The following TPD52 variants were observed in gnomAD, a reference collection of about 807,000 sequenced individuals.
TPD52 encodes the protein prostate and colon associated protein.
Under a neutral mutation model 31.3 loss-of-function variants are expected in TPD52, and 17 were observed. The observed-to-expected ratio is 0.54, with a 90% CI of 0.37 to 0.82. TPD52 has a LOEUF of 0.82. TPD52 is among the 40% of genes least tolerant of loss of function. The pLI is 0.00. For missense variants in TPD52, 212 were observed against 240.1 expected (o/e 0.88, Z 0.77); for synonymous variants, 83 against 89.6 (o/e 0.93, Z 0.42).
chr8:80,157,565 C>T (rs976540240), intron 1 of TPD52, among the ~76,000 whole-genome samples: 4 of 152,118 alleles, frequency 2.6e-5, no homozygotes, highest in Non-Finnish European at 5.9e-5. Context: ...CAAAAAAACC[C>T]GAGCGAGAAT....
intron 1 of TPD52, among the ~76,000 whole-genome samples, chr8:80,146,987 C>G (rs1586392691): frequency 6.6e-6 from 1 of 152,284 alleles, no homozygotes; most frequent in East Asian, 1.9e-4. Context: ...TCACCGCAGA[C>G]CTACTGAACC....
intron 5 of TPD52, 49 bp from the exon 6 acceptor site, chr8:80,044,257 G>T: frequency 7.0e-7 from 1 of 1,418,876 alleles, no homozygotes; most frequent in Admixed American, 2.7e-5. Context: ...GTATAGTGGT[G>T]CTTCAACATT....
intron 1 of TPD52, among the ~76,000 whole-genome samples, chr8:80,095,875 G>C (rs1158803904): frequency 6.6e-6 from 1 of 152,200 alleles, no homozygotes; most frequent in African/African-American, 2.4e-5. Context: ...TTGAACCCAG[G>C]AGGCGGAGGT....
rs564500829 is a variant in TPD52, at chr8:80,168,901, T to C, written c.19+2524A>G. Among the ~76,000 whole-genome samples, 68 of 152,322 alleles carry C rather than the reference T, an allele frequency of 4.5e-4. 2 individuals carry two copies. In the South Asian group the frequency reaches 0.014, roughly 31 times the overall value. On this transcript the variant is annotated intron_variant, in intron 1 of 7. Transcript: ENST00000518937. ...CAGTCAACACATATTTCTAAGCACC[T>C]ACTGTGTGCACTGGTAACATAAAGA... is the stretch of plus-strand genomic sequence containing the variant.
At chr8:80,122,543 T>C (rs888681243) in intron 1 of TPD52, among the ~76,000 whole-genome samples, 2 of 152,116 alleles carry the variant, frequency 1.3e-5, no homozygotes, top group African/African-American at 4.8e-5. Context: ...AAGTAAGCAG[T>C]CCACCTATCA....
intron 1 of TPD52, among the ~76,000 whole-genome samples, chr8:80,113,464 A>G (rs756059719): frequency 2.6e-5 from 4 of 152,204 alleles, no homozygotes; most frequent in Non-Finnish European, 4.4e-5. Context: ...GTATTTCAAA[A>G]TGATACCTGA....
At chr8:80,110,155 G>C (rs1203584256) in intron 1 of TPD52, among the ~76,000 whole-genome samples, 2 of 152,184 alleles carry the variant, frequency 1.3e-5, no homozygotes, top group African/African-American at 4.8e-5. Context: ...TTATCATTAA[G>C]CTTTGTTTTT....
intron 1 of TPD52, among the ~76,000 whole-genome samples, chr8:80,088,893 C>T (rs550900841): frequency 1.5e-3 from 231 of 152,272 alleles, no homozygotes; most frequent in African/African-American, 5.4e-3. Flanking sequence ...GACGGGGTTT[C>T]ACTGCATTAG....
chr8:80,111,933 T>C (rs1366906449), intron 1 of TPD52, among the ~76,000 whole-genome samples: 15 of 152,262 alleles, frequency 9.9e-5, no homozygotes, highest in Non-Finnish European at 2.9e-5. Flanking sequence ...ACATGCAATA[T>C]GTACAGTAAA....
intron 1 of TPD52, among the ~76,000 whole-genome samples, chr8:80,092,146 C>T (rs562069661): frequency 9.9e-5 from 15 of 152,210 alleles, no homozygotes; most frequent in South Asian, 6.2e-4. Flanking sequence ...CTCGAGTATT[C>T]GTCATTTCTG....
At chr8:80,150,084 C>T (rs1468306510) in intron 1 of TPD52, among the ~76,000 whole-genome samples, 4 of 152,188 alleles carry the variant, frequency 2.6e-5, no homozygotes, top group Non-Finnish European at 5.9e-5. Flanking sequence ...AGGTCCAGGG[C>T]CCTCCTGCTG....
intron 1 of TPD52, among the ~76,000 whole-genome samples, chr8:80,080,060 T>C (rs1563608317): frequency 6.6e-6 from 1 of 152,228 alleles, no homozygotes; most frequent in African/African-American, 2.4e-5. Flanking sequence ...GAGCTTGGAA[T>C]ATCTATCAAT....
At chr8:80,048,579 C>T (rs956534400) in intron 5 of TPD52, among the ~76,000 whole-genome samples, 1 of 152,194 alleles carries the variant, frequency 6.6e-6, no homozygotes, top group African/African-American at 2.4e-5. Context: ...GCTCCCTTTC[C>T]TTGGGTAGTT....
chr8:80,065,442 CCTGTCAGGAAGAACAA>C (rs1423382246), intron 1 of TPD52, among the ~76,000 whole-genome samples: 2 of 151,974 alleles, frequency 1.3e-5, no homozygotes, highest in African/African-American at 4.8e-5. Flanking sequence ...TGGAACGGAG[CCTGTCAGGAAGAACAA>C]CTGGAGAGTG....
chr8:80,137,997 T>G (rs762304923), intron 1 of TPD52, among the ~76,000 whole-genome samples: 47 of 151,866 alleles, frequency 3.1e-4, no homozygotes, highest in Non-Finnish European at 1.3e-4. Flanking sequence ...CAGGCTGGAG[T>G]GCAATGGCAC....
chr8:80,133,836 G>A (rs892889085), intron 1 of TPD52, among the ~76,000 whole-genome samples: 3 of 151,766 alleles, frequency 2.0e-5, no homozygotes, highest in African/African-American at 7.3e-5. Context: ...TGGGCAAGGA[G>A]GGGGAGGATA....
At chr8:80,118,541 C>T (rs905821122) in intron 1 of TPD52, among the ~76,000 whole-genome samples, 14 of 152,188 alleles carry the variant, frequency 9.2e-5, no homozygotes, top group Admixed American at 3.3e-4. Flanking sequence ...CTGATGATGG[C>T]ATTGTATCTA....
At position 80,171,548 on chromosome 8, in the gene TPD52, G is replaced by T; in HGVS notation, c.-105C>A. The T allele has an allele frequency of 7.3e-7, 1 of 1,362,444 alleles. No individual in the cohort carries two copies. Among genetic ancestry groups the T allele is most frequent in the African/African-American group, 1.5e-5 (1 of 65,358 alleles). 84.4% of individuals were successfully genotyped at this position (1,362,444 alleles called of 1,614,324 possible). A position where few individuals can be genotyped will look rare whatever the true frequency, so the allele number is the denominator to read the frequency against. The stretch of plus-strand genomic sequence containing the variant: ...GCAGAGCTCCTCCTCGCCTCCGCCG[G>T]CGACTCCCGCGAAGTCCCCACCCCC... On this transcript the variant is annotated 5_prime_UTR_variant, in exon 1 of 8. Coordinates refer to ENST00000518937, the MANE Select transcript of TPD52 (RefSeq NM_001025253.3).
intron 1 of TPD52, among the ~76,000 whole-genome samples, chr8:80,111,871 T>C (rs1208702570): frequency 6.6e-6 from 1 of 152,170 alleles, no homozygotes; most frequent in African/African-American, 2.4e-5. Context: ...AAAATCTGAG[T>C]GATATTTACT....
Sources: gnomAD v4.1 joint callset for allele counts (sites outside exome capture counted in the v4.1 genomes callset) on GRCh38, gnomAD v4.1.1 for gene constraint, MANE v1.5 for transcripts, NCBI Gene and HGNC (gene_info 2026-07-23, HGNC 2026-07-21) for gene names.